Variants in C16orf89 observed in about 807,000 individuals in gnomAD.
C16orf89 encodes the protein UPF0764 protein C16orf89.
C16orf89 carries 57 observed loss-of-function variants against 41.5 expected under a neutral mutation model. That is an observed-to-expected ratio of 1.38 (90% CI 1.11 to 1.71). The LOEUF is 1.71. Among genes scored for constraint, C16orf89 ranks in the 40% most tolerant of loss-of-function variants. The pLI, the probability that C16orf89 is intolerant of heterozygous loss-of-function variation, is 0.00. For synonymous variants in C16orf89, 223 were observed against 190.6 expected (o/e 1.17, Z -1.40); for missense variants, 575 against 445.9 (o/e 1.29, Z -2.61).
In C16orf89 at chr16:5,044,159, G is replaced by A; in HGVS notation, c.*189C>T. ...GAACTTTATTCATCCGTTCACACCT[G>A]GGTCCCTCCCGGCCCCCACCTACCC... On this transcript the variant is annotated 3_prime_UTR_variant, in exon 8 of 8. Coordinates refer to ENST00000472572, the MANE Select transcript of C16orf89 (RefSeq NM_001098514.3). 1 of 1,350,608 alleles carries A rather than the reference G, an allele frequency of 7.4e-7. No homozygotes were observed. The highest frequency in any genetic ancestry group is 9.5e-7 in the Non-Finnish European group (1 of 1,055,540). The allele number at this position is 1,350,608 out of a possible 1,614,324, so 83.7% of individuals were successfully genotyped here.
chr16:5,046,597 C>T (rs553818387), intron 7 of C16orf89, among the ~76,000 whole-genome samples: 5 of 152,234 alleles, frequency 3.3e-5, no homozygotes, highest in East Asian at 1.9e-4. Flanking sequence ...GTGTTCCACC[C>T]GCCTTAGCCT....
intron 7 of C16orf89, 114 bp from the exon 8 acceptor site, chr16:5,044,592 C>G: frequency 6.5e-7 from 1 of 1,529,998 alleles, no homozygotes; most frequent in Middle Eastern, 2.0e-4. Flanking sequence ...CCTATAATCC[C>G]ACACTTTGGG....
At chr16:5,055,173 C>T (rs1457936169) in intron 6 of C16orf89, 73 bp downstream of exon 6, 4 of 1,293,830 alleles carry the variant, frequency 3.1e-6, no homozygotes, top group East Asian at 5.0e-5. Context: ...TGTTCCCACA[C>T]CTGGCCTAGA....
At chr16:5,044,922 G>C in intron 7 of C16orf89, 4 of 1,228,554 alleles carry the variant, frequency 3.3e-6, no homozygotes, top group Non-Finnish European at 3.1e-6. Context: ...TGCTCCCTTA[G>C]GCCCCTTTTG....
At chr16:5,055,505 C>T in intron 5 of C16orf89, 155 bp from the exon 6 acceptor site, 1 of 952,632 alleles carries the variant, frequency 1.0e-6, no homozygotes, top group Non-Finnish European at 1.6e-6. Flanking sequence ...GCAGCTTGAG[C>T]CTTTGCCTGA....
chr16:5,052,506 T>C (rs113965193), intron 6 of C16orf89, among the ~76,000 whole-genome samples: 2 of 151,628 alleles, frequency 1.3e-5, no homozygotes, highest in South Asian at 2.1e-4. Flanking sequence ...CTGGAGAATC[T>C]CTTGAACCCA....
intron 1 of C16orf89, among the ~76,000 whole-genome samples, chr16:5,064,296 A>G (rs1274563130): frequency 6.6e-6 from 1 of 152,234 alleles, no homozygotes; most frequent in Non-Finnish European, 1.5e-5. Flanking sequence ...AATGGGACGT[A>G]GACCCTGCCC....
In C16orf89 at chr16:5,062,586, CAG is replaced by C. The variant is rs1567160310; in HGVS notation, c.209-14_209-13del. 6.3e-7 allele frequency: 1 copy of C among 1,590,476 alleles called. No individual in the cohort carries two copies. The highest frequency in any genetic ancestry group is 1.4e-5 in the African/African-American group (1 of 73,782). On this transcript the variant is annotated splice_polypyrimidine_tract_variant and intron_variant, in intron 1 of 7. Transcript: ENST00000472572. ...ACTTTTTAGCTGCTCTGGAAGGGAA[CAG>C]AGTTAATTCATTCAACTATTTGGAA... is the stretch of plus-strand genomic sequence containing the variant.
At chr16:5,053,284 C>A (rs968416975) in intron 6 of C16orf89, among the ~76,000 whole-genome samples, 2 of 151,986 alleles carry the variant, frequency 1.3e-5, no homozygotes, top group African/African-American at 4.8e-5. Context: ...GCAGGAGAAT[C>A]GCTTGTACCT....
intron 4 of C16orf89, 59 bp downstream of exon 4, chr16:5,058,434 C>T (rs1567157165): frequency 2.8e-6 from 4 of 1,451,416 alleles, no homozygotes; most frequent in Non-Finnish European, 3.8e-6. Flanking sequence ...CGTCCGGCTG[C>T]CCCTTTTCCT....
At chr16:5,045,173 A>C (rs1242237176) in intron 7 of C16orf89, among the ~76,000 whole-genome samples, 1 of 152,158 alleles carries the variant, frequency 6.6e-6, no homozygotes, top group East Asian at 1.9e-4. Context: ...TACGTACCTC[A>C]ATAAACCCAC....
chr16:5,045,757 C>T (rs1282192259), intron 7 of C16orf89, among the ~76,000 whole-genome samples: 1 of 152,214 alleles, frequency 6.6e-6, no homozygotes, highest in South Asian at 2.1e-4. Context: ...GAGGCAGAAG[C>T]GGGACTCGAA....
chr16:5,042,785 G>A (rs1365472928), downstream of C16orf89: 1 of 152,250 alleles, frequency 6.6e-6, no homozygotes, highest in African/African-American at 2.4e-5. The surrounding 1 kb of genome is among the most constrained non-coding windows in gnomAD (Gnocchi z 4.2). Flanking sequence ...TGTCCCAGAA[G>A]GTTTTATTGC....
chr16:5,049,654 A>G (rs1299717560), intron 6 of C16orf89, among the ~76,000 whole-genome samples: 1 of 152,228 alleles, frequency 6.6e-6, no homozygotes, highest in East Asian at 1.9e-4. Flanking sequence ...TCTTAACACA[A>G]GTGAAAATAG....
At chr16:5,057,435 G>A (rs1329006357) in intron 4 of C16orf89, among the ~76,000 whole-genome samples, 1 of 146,726 alleles carries the variant, frequency 6.8e-6, no homozygotes, top group African/African-American at 2.5e-5. Flanking sequence ...AGTGTGTATG[G>A]TAGTATATAT....
intron 3 of C16orf89, among the ~76,000 whole-genome samples, chr16:5,059,545 G>C (rs1956574597): frequency 6.6e-6 from 1 of 152,276 alleles, no homozygotes; most frequent in South Asian, 2.1e-4. Flanking sequence ...GAATCCAGCT[G>C]TGTCCTGGCC....
At chr16:5,053,497 G>A (rs533511391) in intron 6 of C16orf89, among the ~76,000 whole-genome samples, 390 of 151,992 alleles carry the variant, frequency 2.6e-3, no homozygotes, top group Non-Finnish European at 4.9e-3. Flanking sequence ...AAGTGGTACC[G>A]TTCCATAGCA....
At chr16:5,063,905 T>C (rs1956680512) in intron 1 of C16orf89, among the ~76,000 whole-genome samples, 1 of 152,076 alleles carries the variant, frequency 6.6e-6, no homozygotes, top group Non-Finnish European at 1.5e-5. Context: ...GGCAGGTGGA[T>C]TACTTAAGTC....
chr16:5,048,070 C>T (rs1348047117), intron 6 of C16orf89, 106 bp from the exon 7 acceptor site: 2 of 677,508 alleles, frequency 3.0e-6, no homozygotes, highest in Admixed American at 2.5e-5. Flanking sequence ...ATTCTATTGG[C>T]CAGGCTGGGT....
Sources: allele counts gnomAD v4.1 joint callset (sites outside exome capture counted in the v4.1 genomes callset), GRCh38; gene constraint gnomAD v4.1.1; non-coding constraint Gnocchi (gnomAD v3.1); transcripts MANE v1.5; gene names NCBI Gene and HGNC (gene_info 2026-07-23, HGNC 2026-07-21).